The following MGAM variants were observed in gnomAD, a reference collection of about 807,000 sequenced individuals.
MGAM encodes the protein alpha-1,4-glucosidase.
In MGAM, 253 loss-of-function variants were observed where a neutral mutation model predicts 358.8. The observed-to-expected ratio is 0.71, with a 90% CI of 0.64 to 0.78. The LOEUF is 0.78. Among genes scored for constraint, MGAM ranks in the 30% least tolerant of loss-of-function variants. MGAM has a pLI of 0.00. For synonymous variants in MGAM, 1,105 were observed against 1,227.1 expected (o/e 0.90, Z 2.08); for missense variants, 3,080 against 3,432.6 (o/e 0.90, Z 2.57).
chr7:142,051,443 T>G (rs571049920), intron 24 of MGAM, among the ~76,000 whole-genome samples: 126 of 152,238 alleles, frequency 8.3e-4, no homozygotes, highest in African/African-American at 2.9e-3. Context: ...AGGATGATAA[T>G]CTTTAGAATG....
intron 57 of MGAM, among the ~76,000 whole-genome samples, chr7:142,090,500 C>T (rs1815280373): frequency 6.8e-6 from 1 of 146,020 alleles, no homozygotes; most frequent in Non-Finnish European, 1.5e-5. Flanking sequence ...TCAAGATTCT[C>T]CGTGATGTGA....
At chr7:142,046,090 GTAAT>G (rs1810360674) in intron 21 of MGAM, among the ~76,000 whole-genome samples, 1 of 109,872 alleles carries the variant, frequency 9.1e-6, no homozygotes, top group African/African-American at 3.2e-5. Context: ...ATTTATATGT[GTAAT>G]TATATATTTA....
chr7:142,100,273 C>A (rs1404716226), intron 67 of MGAM, among the ~76,000 whole-genome samples: 1 of 152,124 alleles, frequency 6.6e-6, no homozygotes, highest in Non-Finnish European at 1.5e-5. Flanking sequence ...AGTACTGTTA[C>A]CACCATTTCA....
In MGAM at chr7:142,032,860, G is replaced by T. The variant is rs782097584; in HGVS notation, c.1620G>T (p.Ser540=). Residue 540 remains serine (S), a synonymous_variant, in exon 14 of 71, where the codon TCG becomes TCT. Coordinates refer to ENST00000475668, the MANE Select transcript of MGAM (RefSeq NM_001365693.1). ...MNEVSNFVDG[S]VSGCSTNNLN... ...AAGTCTCCAACTTTGTTGATGGTTCGGTCTCAGGATGTTCCACAAACAACC... is the reference window on the plus strand; with the variant it reads ...AAGTCTCCAACTTTGTTGATGGTTCTGTCTCAGGATGTTCCACAAACAACC... The T allele has an allele frequency of 2.5e-6, 4 of 1,608,874 alleles. No homozygotes were observed. In the African/African-American group the frequency reaches 5.4e-5, roughly 22 times the overall value.
rs1185093539 is a variant in MGAM at position 142,032,222 on chromosome 7, A to C, written c.1584+429A>C. ...GAACAAACTATGCCTGTGGTAAAGAAAAATGTCTCATATGATGTCAGATGA... is the reference window on the plus strand; with the variant it reads ...GAACAAACTATGCCTGTGGTAAAGACAAATGTCTCATATGATGTCAGATGA... On this transcript the variant is annotated intron_variant, in intron 13 of 70. Transcript: ENST00000475668. Among the ~76,000 whole-genome samples, 5 of 152,216 alleles carry C rather than the reference A, an allele frequency of 3.3e-5. No homozygotes were observed. The East Asian group carries it at 5.8e-4, about 18-fold the overall frequency.
At chr7:142,097,503 C>A in intron 65 of MGAM, 90 bp from the exon 66 acceptor site, 1 of 1,311,462 alleles carries the variant, frequency 7.6e-7, no homozygotes, top group Non-Finnish European at 1.1e-6. Context: ...CCAAGGCCAT[C>A]ACAATTATTT....
intron 22 of MGAM, among the ~76,000 whole-genome samples, chr7:142,049,230 A>C (rs1810705121): frequency 6.6e-6 from 1 of 152,192 alleles, no homozygotes; most frequent in African/African-American, 2.4e-5. Flanking sequence ...TTGTATATAT[A>C]TACCACAATT....
At chr7:142,101,039 G>T (rs1204095934) in intron 68 of MGAM, 149 bp downstream of exon 68, 1 of 743,240 alleles carries the variant, frequency 1.3e-6, no homozygotes, top group East Asian at 2.7e-5. Context: ...ATCCATATTG[G>T]ACATGATCTT....
chr7:142,067,986 A>T (rs1214364685), intron 42 of MGAM, among the ~76,000 whole-genome samples: 578 of 8,678 alleles, frequency 0.067, 80 homozygotes, highest in African/African-American at 0.093. Context: ...ATATATATAT[A>T]TTTTTTTTTT....
chr7:142,032,716 T>A (rs782132029), intron 13 of MGAM, 109 bp from the exon 14 acceptor site: 2 of 679,536 alleles, frequency 2.9e-6, no homozygotes, highest in Non-Finnish European at 2.5e-6. Context: ...CAAATACCCC[T>A]TTAAAATATC....
intron 54 of MGAM, among the ~76,000 whole-genome samples, 172 bp downstream of exon 54, chr7:142,084,816 A>G (rs1296633253): frequency 6.8e-6 from 1 of 146,350 alleles, no homozygotes; most frequent in Non-Finnish European, 1.5e-5. Flanking sequence ...CCTTGTTTCC[A>G]TCTTCTAGAG....
In MGAM at chr7:142,034,657, C is replaced by G. The variant is rs782613969; in HGVS notation, c.1788-13C>G. The stretch of plus-strand genomic sequence containing the variant: ...GATCCCACATTGACTCCTTAAATCT[C>G]TCTCCCTTGCAGAGCTGCCAAGACT... On this transcript the variant is annotated splice_polypyrimidine_tract_variant and intron_variant, in intron 15 of 70. Coordinates refer to ENST00000475668, the MANE Select transcript of MGAM (RefSeq NM_001365693.1). 13 of 1,610,400 alleles carry G rather than the reference C, an allele frequency of 8.1e-6. No individual in the cohort carries two copies. The highest frequency in any genetic ancestry group is 5.0e-5 in the Admixed American group (3 of 59,646).
chr7:142,046,849 C>A (rs992075711), intron 21 of MGAM, among the ~76,000 whole-genome samples: 2 of 151,846 alleles, frequency 1.3e-5, no homozygotes, highest in African/African-American at 4.8e-5. Context: ...TTTCATTGTT[C>A]GCCTTCATTT....
intron 22 of MGAM, among the ~76,000 whole-genome samples, chr7:142,049,874 G>A (rs79100451): frequency 0.031 from 4,718 of 152,196 alleles, 92 homozygotes; most frequent in Middle Eastern, 0.11. Context: ...CAACCGTTAT[G>A]GAAAATAGTA....
rs1299819756 is a variant in MGAM, at chr7:142,055,646, G to A, written c.3403G>A (p.Gly1135Arg). The change falls in exon 28 of 71, where the codon GGG (glycine) becomes AGG (arginine). Residue 1135 changes from glycine (G) to arginine (R), a missense_variant. This residue lies in a region of MGAM where 1,816 missense variants were observed against 1,840.5 expected (regional missense o/e 0.99). Coordinates refer to ENST00000475668, the MANE Select transcript of MGAM (RefSeq NM_001365693.1). The part of the protein sequence containing the change: ...RLPSKYLYGF[G>R]ETEHRSYRRD... ...TCCCTCCAAGTACCTCTATGGCTTT[G>A]GGGAAACTGAGCACAGGTCCTATAG... The A allele has an allele frequency of 6.2e-7, 1 of 1,613,864 alleles. No homozygotes were observed. The highest frequency in any genetic ancestry group is 1.6e-4 in the Middle Eastern group (1 of 6,062).
At chr7:142,098,871 T>C (rs1481554368) in intron 66 of MGAM, among the ~76,000 whole-genome samples, 2 of 152,190 alleles carry the variant, frequency 1.3e-5, no homozygotes, top group Non-Finnish European at 2.9e-5. Flanking sequence ...GAAGATGAAT[T>C]TCATAGTTAA....
intron 3 of MGAM, among the ~76,000 whole-genome samples, chr7:142,018,845 A>G (rs1806174234): frequency 6.6e-6 from 1 of 152,224 alleles, no homozygotes; most frequent in Admixed American, 6.5e-5. Flanking sequence ...CATTTTTAAA[A>G]GTCAAAGCCG....
At chr7:142,011,450 G>T (rs546563241) in intron 3 of MGAM, among the ~76,000 whole-genome samples, 1 of 152,104 alleles carries the variant, frequency 6.6e-6, no homozygotes, top group Non-Finnish European at 1.5e-5. Context: ...AGAGCAGTGA[G>T]CCCAGATAAA....
At chr7:142,074,881 A>G (rs1175067051) in intron 45 of MGAM, among the ~76,000 whole-genome samples, 1 of 146,672 alleles carries the variant, frequency 6.8e-6, no homozygotes, top group Non-Finnish European at 1.5e-5. Context: ...TAGGCATAGT[A>G]TAATGATTAC....
Sources: allele counts gnomAD v4.1 joint callset (sites outside exome capture counted in the v4.1 genomes callset), GRCh38; gene constraint gnomAD v4.1.1; regional missense constraint gnomAD v4.1.1; transcripts MANE v1.5; gene names NCBI Gene and HGNC (gene_info 2026-07-23, HGNC 2026-07-21).